AKT3: variants seen among roughly 807,000 people sequenced by gnomAD.
The protein encoded by AKT3 is RAC-gamma serine/threonine-protein kinase.
A neutral mutation model predicts 65.3 loss-of-function variants in AKT3; 15 were observed. The observed-to-expected ratio is 0.23, with a 90% CI of 0.15 to 0.35. AKT3 has a LOEUF of 0.35. Ranked by LOEUF, AKT3 falls within the 10% of genes least tolerant of loss-of-function variation. The pLI is 1.00. For missense variants in AKT3, 243 were observed against 576.5 expected (o/e 0.42, Z 5.92); for synonymous variants, 206 against 183.8 (o/e 1.12, Z -0.98).
At chr1:243,653,754 A>G (rs1457489492) in intron 4 of AKT3, among the ~76,000 whole-genome samples, 1 of 152,180 alleles carries the variant, frequency 6.6e-6, no homozygotes, top group African/African-American at 2.4e-5. Flanking sequence ...ACATGTGTTG[A>G]TGACTGCTAT....
At chr1:243,786,923 C>CA (rs1430333629) in intron 2 of AKT3, among the ~76,000 whole-genome samples, 14 of 151,104 alleles carry the variant, frequency 9.3e-5, no homozygotes, top group Non-Finnish European at 4.4e-5. Context: ...TTAAAGAAGG[C>CA]AAAAAAAAGA....
At chr1:243,776,219 A>AATG (rs916144858) in intron 2 of AKT3, among the ~76,000 whole-genome samples, 3 of 152,152 alleles carry the variant, frequency 2.0e-5, no homozygotes, top group Admixed American at 6.5e-5. Flanking sequence ...GCCAAGTCAA[A>AATG]ATGATGATGA....
At chr1:243,588,784 T>G (rs760050752) in intron 8 of AKT3, among the ~76,000 whole-genome samples, 3 of 151,906 alleles carry the variant, frequency 2.0e-5, no homozygotes, top group Non-Finnish European at 2.9e-5. Flanking sequence ...ACTATAAAAC[T>G]CCTAGAAGAA....
intron 2 of AKT3, among the ~76,000 whole-genome samples, chr1:243,808,704 G>A (rs565845483): frequency 6.6e-6 from 1 of 152,208 alleles, no homozygotes; most frequent in African/African-American, 2.4e-5. Context: ...TCCTCAAGAA[G>A]AGCAACTCCA....
At chr1:243,763,402 C>T (rs769304181) in intron 2 of AKT3, among the ~76,000 whole-genome samples, 3 of 152,066 alleles carry the variant, frequency 2.0e-5, no homozygotes, top group Non-Finnish European at 4.4e-5. Flanking sequence ...GAAGCTAGTG[C>T]TTTACTGTGA....
chr1:243,748,403 A>G (rs982273662), intron 2 of AKT3, among the ~76,000 whole-genome samples: 25 of 152,170 alleles, frequency 1.6e-4, no homozygotes, highest in Non-Finnish European at 3.5e-4. Flanking sequence ...TCTAGTTGAT[A>G]GGAAGGCCAC....
intron 4 of AKT3, among the ~76,000 whole-genome samples, chr1:243,663,363 G>C (rs539199526): frequency 2.6e-5 from 4 of 152,166 alleles, no homozygotes; most frequent in African/African-American, 9.6e-5. Context: ...TATGGATTAT[G>C]GGTGGACATA....
intron 8 of AKT3, among the ~76,000 whole-genome samples, chr1:243,591,630 T>C (rs887062308): frequency 1.3e-5 from 2 of 151,470 alleles, no homozygotes; most frequent in African/African-American, 4.9e-5. Context: ...ACGAATACCA[T>C]AATAAATTAG....
chr1:243,585,634 T>C (rs1322937053), intron 8 of AKT3, among the ~76,000 whole-genome samples: 2 of 151,974 alleles, frequency 1.3e-5, no homozygotes, highest in Admixed American at 6.6e-5. Context: ...AAATAAGCAA[T>C]GGGGAAAGGA....
intron 2 of AKT3, among the ~76,000 whole-genome samples, chr1:243,715,698 G>A (rs930249130): frequency 6.6e-6 from 1 of 151,980 alleles, no homozygotes; most frequent in Non-Finnish European, 1.5e-5. Flanking sequence ...AAGAAAAAAA[G>A]TATTTTTAGA....
At chr1:243,723,288 A>C (rs762264024) in intron 2 of AKT3, among the ~76,000 whole-genome samples, 1 of 152,172 alleles carries the variant, frequency 6.6e-6, no homozygotes, top group Non-Finnish European at 1.5e-5. Context: ...CTATTCATAG[A>C]TGCCTGTCAC....
chr1:243,739,542 C>A (rs572520714), intron 2 of AKT3: 1 of 152,278 alleles, frequency 6.6e-6, no homozygotes, highest in South Asian at 2.1e-4. Flanking sequence ...GCTCAACAGC[C>A]ACTTTGGCCC....
intron 2 of AKT3, among the ~76,000 whole-genome samples, chr1:243,838,266 G>A (rs998529716): frequency 3.9e-5 from 6 of 152,162 alleles, no homozygotes; most frequent in African/African-American, 1.4e-4. Flanking sequence ...AATACCATTA[G>A]AAAATAAATT....
At chr1:243,739,363 T>C (rs957037011) in intron 2 of AKT3, among the ~76,000 whole-genome samples, 3 of 152,192 alleles carry the variant, frequency 2.0e-5, no homozygotes, top group Admixed American at 2.0e-4. Flanking sequence ...ACACCTATAA[T>C]ATAGGTCAAT....
intron 1 of AKT3, among the ~76,000 whole-genome samples, chr1:243,844,130 C>A (rs968830918): frequency 6.6e-6 from 1 of 152,106 alleles, no homozygotes; most frequent in African/African-American, 2.4e-5. Flanking sequence ...ATATTTAGTA[C>A]TCAAGATGTG....
At chr1:243,495,475 G>A (rs978268296), downstream of AKT3, among the ~76,000 whole-genome samples, 1 of 152,202 alleles carries the variant, frequency 6.6e-6, no homozygotes, top group Non-Finnish European at 1.5e-5. Context: ...GGCCCAGCCG[G>A]GCAGCCAGGA....
In AKT3 at chr1:243,753,073, T is replaced by G. The variant is rs571348106; in HGVS notation, c.47-57357A>C. 3.3e-5 allele frequency among the ~76,000 whole-genome samples: 5 copies of G among 152,332 alleles called. No homozygotes were observed. In the South Asian group the frequency reaches 1.0e-3, roughly 32 times the overall value. ...CATGTTATGCCATTTTGATTTGCCT[T>G]AAGTTCTCCAAATGTCCCATATTTC... On this transcript the variant is annotated intron_variant, in intron 2 of 13. Coordinates refer to ENST00000673466, the MANE Select transcript of AKT3 (RefSeq NM_005465.7).
At chr1:243,805,772 C>T (rs1194752135) in intron 2 of AKT3, among the ~76,000 whole-genome samples, 1 of 152,156 alleles carries the variant, frequency 6.6e-6, no homozygotes. Context: ...TCCTTTTCCT[C>T]TCATTCCCTG....
chr1:243,725,941 T>C (rs1353693746), intron 2 of AKT3, among the ~76,000 whole-genome samples: 4 of 152,222 alleles, frequency 2.6e-5, no homozygotes, highest in East Asian at 1.9e-4. Flanking sequence ...CACTCATCTA[T>C]CTGGCACTTC....
Sources: allele counts gnomAD v4.1 joint callset (sites outside exome capture counted in the v4.1 genomes callset), GRCh38; gene constraint gnomAD v4.1.1; transcripts MANE v1.5; gene names NCBI Gene and HGNC (gene_info 2026-07-23, HGNC 2026-07-21).